Variants in AMPH observed in about 807,000 individuals in gnomAD.
AMPH encodes amphiphysin, also known as amphiphysin (Stiff-Mann syndrome with breast cancer 128kD autoantigen).
In AMPH, 49 loss-of-function variants were observed where a neutral mutation model predicts 99.1. The observed-to-expected ratio is 0.49, with a 90% CI of 0.39 to 0.63. The LOEUF (loss-of-function observed/expected upper bound fraction) is 0.63, where lower values mean the gene tolerates loss of function less well. Among genes scored for constraint, AMPH ranks in the 20% least tolerant of loss-of-function variants. The pLI is 0.00. For synonymous variants in AMPH, 314 were observed against 317.3 expected, an observed-to-expected ratio of 0.99 and a Z score of 0.11; for missense variants, 759 against 863.4, an observed-to-expected ratio of 0.88 and a Z score of 1.52.
chr7:38,445,074 C>T (rs199760907), intron 11 of AMPH, among the ~76,000 whole-genome samples: 1 of 143,984 alleles, frequency 6.9e-6, no homozygotes, highest in Non-Finnish European at 1.5e-5. Flanking sequence ...TATATATATA[C>T]ACATATATAC....
chr7:38,480,240 A>T (rs1399472517), intron 5 of AMPH, among the ~76,000 whole-genome samples: 1 of 152,122 alleles, frequency 6.6e-6, no homozygotes, highest in Non-Finnish European at 1.5e-5. Flanking sequence ...GTCTGTGGCA[A>T]AAGTGAACTG....
rs1166712005 is a variant in AMPH at position 38,466,429 on chromosome 7, C to T, written c.591-181G>A. 2.6e-5 allele frequency among the ~76,000 whole-genome samples: 4 copies of T among 152,056 alleles called. No individual in the cohort carries two copies. The East Asian group carries it at 7.7e-4, about 29-fold the overall frequency. On this transcript the variant is annotated intron_variant, in intron 7 of 20. Transcript: ENST00000356264. ...CAACATTTCCTCATCTGTTAATGAA[C>T]AAAAACAAGTATCTTTTGGCATAGA...
chr7:38,401,216 C>T (rs918741867), intron 17 of AMPH, among the ~76,000 whole-genome samples: 3 of 152,190 alleles, frequency 2.0e-5, no homozygotes, highest in African/African-American at 7.2e-5. Flanking sequence ...TTAGGTTACA[C>T]ATTTCAATAA....
chr7:38,535,848 T>G (rs925688038), intron 1 of AMPH, among the ~76,000 whole-genome samples: 24 of 152,286 alleles, frequency 1.6e-4, no homozygotes, highest in African/African-American at 4.3e-4. Flanking sequence ...CTCCCTCACC[T>G]GCTGCTCACT....
chr7:38,441,757 A>ATACCATATATATGATATATATCATATATC (rs1562757318), intron 11 of AMPH, among the ~76,000 whole-genome samples: 1 of 113,458 alleles, frequency 8.8e-6, no homozygotes, highest in Non-Finnish European at 2.0e-5. Flanking sequence ...TATCATATAT[A>ATACCATATATATGATATATATCATATATC]TATCATATAT....
chr7:38,476,800 A>C (rs1788101109), intron 6 of AMPH, 62 bp downstream of exon 6: 1 of 1,270,948 alleles, frequency 7.9e-7, no homozygotes. Flanking sequence ...AATTTTAAAA[A>C]GTAAAGCTGC....
intron 17 of AMPH, among the ~76,000 whole-genome samples, chr7:38,397,040 G>A (rs1050867019): frequency 4.6e-5 from 7 of 152,200 alleles, no homozygotes; most frequent in African/African-American, 1.7e-4. Context: ...TCAACAGCTT[G>A]GAAGCAGATG....
At chr7:38,553,294 C>T (rs1225699312) in intron 1 of AMPH, among the ~76,000 whole-genome samples, 1 of 152,220 alleles carries the variant, frequency 6.6e-6, no homozygotes, top group Non-Finnish European at 1.5e-5. Flanking sequence ...ACACTCCATG[C>T]AGTAAAGCCT....
rs1419338499 is a variant in AMPH, at chr7:38,475,419, A to G, written c.505-3T>C. 1.9e-6 allele frequency: 3 copies of G among 1,607,520 alleles called. No homozygotes were observed. Reference sequence around the variant, plus strand: ...GCTTTCTGAAATTCTTCTTCTGCCTAGGAATGAAACATAACATGTGTTTAC... The same window carrying G: ...GCTTTCTGAAATTCTTCTTCTGCCTGGGAATGAAACATAACATGTGTTTAC... On this transcript the variant is annotated splice_polypyrimidine_tract_variant and splice_region_variant and intron_variant, in intron 6 of 20. Transcript: ENST00000356264.
intron 1 of AMPH, among the ~76,000 whole-genome samples, chr7:38,574,597 AACACTTATT>A (rs1473450461): frequency 5.3e-5 from 8 of 152,226 alleles, no homozygotes; most frequent in Admixed American, 5.2e-4. Flanking sequence ...TGTAACAAAG[AACACTTATT>A]ACAAGAATAA....
chr7:38,396,119 C>G (rs1784661957), intron 17 of AMPH, among the ~76,000 whole-genome samples: 1 of 152,208 alleles, frequency 6.6e-6, no homozygotes. Context: ...CTAGCCATGA[C>G]ATACTTCCTT....
At chr7:38,550,399 C>G (rs991608817) in intron 1 of AMPH, among the ~76,000 whole-genome samples, 2 of 152,146 alleles carry the variant, frequency 1.3e-5, no homozygotes, top group African/African-American at 4.8e-5. Context: ...ATGGAGGAAC[C>G]AACGTCATTA....
At chr7:38,595,999 T>C (rs1418704765) in intron 1 of AMPH, among the ~76,000 whole-genome samples, 1 of 152,232 alleles carries the variant, frequency 6.6e-6, no homozygotes, top group East Asian at 1.9e-4. Context: ...TCTTTGCTAT[T>C]ATGAATAGTG....
At chr7:38,574,681 G>A (rs780619462) in intron 1 of AMPH, among the ~76,000 whole-genome samples, 1 of 152,130 alleles carries the variant, frequency 6.6e-6, no homozygotes, top group African/African-American at 2.4e-5. Context: ...GTGGTAGGAC[G>A]ATGGGTGAGA....
intron 1 of AMPH, among the ~76,000 whole-genome samples, chr7:38,559,087 T>C (rs975488315): frequency 6.6e-6 from 1 of 152,206 alleles, no homozygotes; most frequent in East Asian, 1.9e-4. Context: ...GTTGTCAAAC[T>C]GTATAATTCA....
intron 17 of AMPH, among the ~76,000 whole-genome samples, chr7:38,402,691 G>A (rs976799662): frequency 3.3e-5 from 5 of 152,314 alleles, no homozygotes; most frequent in Admixed American, 2.0e-4. Context: ...TACTCATGGC[G>A]GGGTAGATGC....
chr7:38,429,134 A>G (rs748198212), intron 14 of AMPH: 6 of 1,289,958 alleles, frequency 4.7e-6, no homozygotes, highest in South Asian at 2.5e-5. Flanking sequence ...ACTTCTTCAT[A>G]TCTTCATGAC....
intron 17 of AMPH, among the ~76,000 whole-genome samples, chr7:38,394,515 G>A (rs1457232411): frequency 6.6e-6 from 1 of 152,158 alleles, no homozygotes; most frequent in African/African-American, 2.4e-5. Context: ...AGGTGTAGGT[G>A]GTCCTCTCCA....
At chr7:38,531,759 AT>A (rs1222160431) in intron 2 of AMPH, among the ~76,000 whole-genome samples, 1 of 152,170 alleles carries the variant, frequency 6.6e-6, no homozygotes, top group Non-Finnish European at 1.5e-5. Flanking sequence ...CAATGCACAA[AT>A]CCAAATATGG....
Sources: gnomAD v4.1 joint callset for allele counts (sites outside exome capture counted in the v4.1 genomes callset) on GRCh38, gnomAD v4.1.1 for gene constraint, MANE v1.5 for transcripts, NCBI Gene and HGNC (gene_info 2026-07-23, HGNC 2026-07-21) for gene names.